IMPG1: variants seen among roughly 807,000 people sequenced by gnomAD.
IMPG1 encodes interphotoreceptor matrix proteoglycan 1.
In IMPG1, 85 loss-of-function variants were observed where a neutral mutation model predicts 92.0. The observed-to-expected ratio is 0.92, with a 90% CI of 0.78 to 1.11. The LOEUF is 1.11. Ranked by LOEUF, IMPG1 falls within the 50% of genes least tolerant of loss-of-function variation. The probability of loss-of-function intolerance (pLI) is 0.00; values close to 1 mark genes in which losing one functional copy is unlikely to be tolerated. For synonymous variants in IMPG1, 367 were observed against 334.1 expected (o/e 1.10, Z -1.08); for missense variants, 1,022 against 956.0 (o/e 1.07, Z -0.91).
chr6:76,003,820 G>T, intron 11 of IMPG1, 54 bp downstream of exon 11: 3 of 1,271,596 alleles, frequency 2.4e-6, no homozygotes, highest in South Asian at 1.2e-5. Context: ...GTTCTTTGGT[G>T]GAAGGTTTTG....
Position 76,005,428 on chromosome 6 carries a change from T to C in IMPG1, c.994A>G (p.Ser332Gly). ...LLSFDSNKIE[S>G]EEVYHGTMEE... ...ATGGTTCCATGATAGACTTCCTCAC[T>C]TTCAATTTTGTTGGAATCAAAAGAC... The change falls in exon 10 of 17, where the codon AGT becomes GGT. Residue 332 changes from serine to glycine, a missense_variant. Physicochemically the swap from Ser to Gly is moderately conservative, Grantham distance 56. This residue lies in a region of IMPG1 where 681 missense variants were observed against 583.6 expected (regional missense o/e 1.17). Transcript: ENST00000369950. The C allele has an allele frequency of 6.2e-7, 1 of 1,614,074 alleles. No homozygotes were observed. The highest frequency in any genetic ancestry group is 1.3e-5 in the African/African-American group (1 of 75,032).
chr6:76,013,264 C>T (rs781569533), intron 7 of IMPG1, among the ~76,000 whole-genome samples: 11 of 152,014 alleles, frequency 7.2e-5, no homozygotes, highest in Non-Finnish European at 1.5e-4. Context: ...AGAATCTGCA[C>T]CCCACCCCCA....
At chr6:76,062,740 G>A (rs1207681087) in intron 1 of IMPG1, among the ~76,000 whole-genome samples, 2 of 152,072 alleles carry the variant, frequency 1.3e-5, no homozygotes, top group Non-Finnish European at 2.9e-5. Context: ...CCAGTTGGCT[G>A]AGGTAAAACT....
In IMPG1 at chr6:76,072,469, C is replaced by A. The variant is rs748648983; in HGVS notation, c.20G>T (p.Arg7Ile). 6.3e-7 allele frequency: 1 copy of A among 1,594,832 alleles called. No individual in the cohort carries two copies. The highest frequency in any genetic ancestry group is 8.6e-7 in the Non-Finnish European group (1 of 1,167,776). MYLETR[R>I]AIFVFWIFLQ... ...AAAAATCCAAAAAACAAAAATAGCT[C>A]TTCTAGTTTCCAAATACATTCTGGC... The change falls in exon 1 of 17, where the codon AGA (arginine) becomes ATA (isoleucine). Residue 7 changes from arginine (R) to isoleucine (I), a missense_variant. By Grantham distance (97) the Arg-to-Ile change is moderately conservative. Transcript: ENST00000369950.
At chr6:76,001,433 G>T (rs986844485) in intron 12 of IMPG1, among the ~76,000 whole-genome samples, 2 of 151,244 alleles carry the variant, frequency 1.3e-5, no homozygotes, top group African/African-American at 4.9e-5. Flanking sequence ...CAAGAGAGAA[G>T]CTCTATGTCC....
chr6:75,983,102 T>A (rs1193650556), intron 12 of IMPG1, among the ~76,000 whole-genome samples: 2 of 151,846 alleles, frequency 1.3e-5, no homozygotes, highest in African/African-American at 2.4e-5. Context: ...ATGGGAACTA[T>A]CTCAAATGAT....
At chr6:75,974,428 GCTTCCTTCCTTCCTTC>G (rs1224488663) in intron 12 of IMPG1, among the ~76,000 whole-genome samples, 4 of 96,342 alleles carry the variant, frequency 4.2e-5, no homozygotes, top group African/African-American at 1.6e-4. Flanking sequence ...TTCCTTCCTT[GCTTCCTTCCTTCCTTC>G]CTTCCTTCTT....
intron 12 of IMPG1, among the ~76,000 whole-genome samples, chr6:75,974,393 T>TTCCTTCCTTCCTTCCTTGC (rs1313714060): frequency 4.6e-5 from 3 of 65,006 alleles, no homozygotes; most frequent in African/African-American, 1.8e-4. Flanking sequence ...CTTTCTTTCT[T>TTCCTTCCTTCCTTCCTTGC]TTCTTTCTTT....
intron 4 of IMPG1, among the ~76,000 whole-genome samples, chr6:76,031,317 G>A (rs1215031936): frequency 6.6e-6 from 1 of 152,186 alleles, no homozygotes; most frequent in Non-Finnish European, 1.5e-5. Flanking sequence ...CAAGGGTAAT[G>A]GCTAGGTGTT....
At chr6:75,945,894 C>T (rs975165489) in intron 14 of IMPG1, among the ~76,000 whole-genome samples, 2 of 152,176 alleles carry the variant, frequency 1.3e-5, no homozygotes, top group African/African-American at 4.8e-5. Flanking sequence ...TATCCCTTGC[C>T]TCAACTTGGC....
chr6:75,995,626 T>G (rs982361684), intron 12 of IMPG1, among the ~76,000 whole-genome samples: 7 of 152,248 alleles, frequency 4.6e-5, no homozygotes, highest in Admixed American at 1.3e-4. Flanking sequence ...ACTGTGTATT[T>G]TATTATTTGT....
At chr6:75,982,563 A>ATCTATCTATC (rs1562358332) in intron 12 of IMPG1, among the ~76,000 whole-genome samples, 15 of 149,950 alleles carry the variant, frequency 1.0e-4, no homozygotes. Context: ...CTATCTATCT[A>ATCTATCTATC]TATATCTATA....
chr6:75,948,073 G>T (rs374620108), intron 13 of IMPG1, among the ~76,000 whole-genome samples: 7 of 152,332 alleles, frequency 4.6e-5, no homozygotes, highest in Non-Finnish European at 8.8e-5. Context: ...CAGGAAACTG[G>T]CAGTTAGGAG....
intron 12 of IMPG1, among the ~76,000 whole-genome samples, chr6:75,957,418 A>G (rs1222191665): frequency 1.3e-5 from 2 of 152,218 alleles, no homozygotes; most frequent in African/African-American, 4.8e-5. Flanking sequence ...GTAGATGTCT[A>G]TTAGGTCCGC....
chr6:75,924,383 G>C (rs1781484128), intron 15 of IMPG1, among the ~76,000 whole-genome samples: 1 of 117,914 alleles, frequency 8.5e-6, no homozygotes, highest in African/African-American at 3.3e-5. Flanking sequence ...TGATATATAT[G>C]TATTACATAT....
intron 12 of IMPG1, among the ~76,000 whole-genome samples, chr6:75,958,086 G>C (rs1368556638): frequency 6.6e-6 from 1 of 151,550 alleles, no homozygotes; most frequent in Admixed American, 6.6e-5. Context: ...CAGGAGGCCT[G>C]GTGGTGACAA....
chr6:75,924,968 G>A (rs888543683), intron 15 of IMPG1, among the ~76,000 whole-genome samples: 1 of 150,748 alleles, frequency 6.6e-6, no homozygotes, highest in Non-Finnish European at 1.5e-5. Flanking sequence ...AGAGACTGGG[G>A]AGGGGAGGGA....
intron 12 of IMPG1, among the ~76,000 whole-genome samples, chr6:75,985,978 C>G (rs1475512347): frequency 6.6e-6 from 1 of 152,090 alleles, no homozygotes; most frequent in East Asian, 1.9e-4. Context: ...GATGAAAGAG[C>G]CTCACAGGCC....
chr6:76,050,263 A>G (rs1784017579), intron 1 of IMPG1, among the ~76,000 whole-genome samples: 2 of 152,076 alleles, frequency 1.3e-5, no homozygotes, highest in Admixed American at 1.3e-4. Flanking sequence ...AACATGGTGA[A>G]AACCCATCTC....
Sources: gnomAD v4.1 joint callset for allele counts (sites outside exome capture counted in the v4.1 genomes callset) on GRCh38, gnomAD v4.1.1 for gene constraint, gnomAD v4.1.1 regional missense constraint, MANE v1.5 for transcripts, NCBI Gene and HGNC (gene_info 2026-07-23, HGNC 2026-07-21) for gene names.